The following AURKA variants were observed in gnomAD, a reference collection of about 807,000 sequenced individuals.
AURKA encodes aurora 2.
AURKA carries 12 observed loss-of-function variants against 40.9 expected under a neutral mutation model. That is an observed-to-expected ratio of 0.29 (90% CI 0.19 to 0.48). The LOEUF (loss-of-function observed/expected upper bound fraction) is 0.48. Among genes scored for constraint, AURKA ranks in the 20% least tolerant of loss-of-function variants. AURKA has a pLI of 0.99. For synonymous variants in AURKA, 170 were observed against 164.3 expected (o/e 1.03, Z -0.26); for missense variants, 322 against 462.1 (o/e 0.70, Z 2.78).
Position 56,370,456 on chromosome 20 carries a change from G to A in AURKA, c.1029+29C>T, listed in dbSNP as rs1312750249. 2.5e-6 allele frequency: 4 copies of A among 1,613,998 alleles called. No homozygotes were observed. In the African/African-American group the frequency reaches 4.0e-5, roughly 16 times the overall value. On this transcript the variant is annotated intron_variant, in intron 8 of 8. Coordinates refer to ENST00000395915, the MANE Select transcript of AURKA (RefSeq NM_198437.3). ...TGATAAGGAAAGAATTCCAGCAGAT[G>A]TGCTGGGTCCTTTTCAGTTGCGTCT... is the stretch of plus-strand genomic sequence containing the variant.
At chr20:56,388,503 CCTG>C (rs1425976956) in intron 1 of AURKA, 2 of 424,382 alleles carry the variant, frequency 4.7e-6, no homozygotes, top group Non-Finnish European at 8.6e-6. Flanking sequence ...TACTGGCATA[CCTG>C]CTACCTTAAA....
intron 6 of AURKA, among the ~76,000 whole-genome samples, chr20:56,376,236 T>C (rs941763110): frequency 2.6e-5 from 4 of 152,040 alleles, no homozygotes; most frequent in Non-Finnish European, 5.9e-5. Context: ...AAAATGTGAG[T>C]ACCTGAGGTA....
chr20:56,369,396 G>A lies in AURKA; in HGVS notation c.*762C>T, dbSNP rs1188435755. 1 of 228,360 alleles carries A rather than the reference G, an allele frequency of 4.4e-6. No individual in the cohort carries two copies. The highest frequency in any genetic ancestry group is 8.7e-6 in the Non-Finnish European group (1 of 115,322). 14.1% of individuals were successfully genotyped at this position (228,360 alleles called of 1,614,324 possible). A position where few individuals can be genotyped will look rare whatever the true frequency, so the allele number is the denominator to read the frequency against. Reference sequence around the variant, plus strand: ...TTACACAGCACTCCACACAGACATAGATACTTATTTATTTGCATATTTAAA... The same window carrying A: ...TTACACAGCACTCCACACAGACATAAATACTTATTTATTTGCATATTTAAA... On this transcript the variant is annotated 3_prime_UTR_variant, in exon 9 of 9. Coordinates refer to ENST00000395915, the MANE Select transcript of AURKA (RefSeq NM_198437.3).
At chr20:56,379,790 C>A (rs931070816) in intron 6 of AURKA, among the ~76,000 whole-genome samples, 1 of 151,514 alleles carries the variant, frequency 6.6e-6, no homozygotes, top group Non-Finnish European at 1.5e-5. Flanking sequence ...GGCAAAACCC[C>A]ATCTCTACTA....
intron 6 of AURKA, among the ~76,000 whole-genome samples, chr20:56,379,295 G>A (rs1569063747): frequency 6.6e-6 from 1 of 152,328 alleles, no homozygotes; most frequent in East Asian, 1.9e-4. Flanking sequence ...TAAGTAAAAG[G>A]ATGGTGGGCG....
chr20:56,389,252 A>C (rs540824621), intron 1 of AURKA, among the ~76,000 whole-genome samples: 1 of 152,198 alleles, frequency 6.6e-6, no homozygotes, highest in South Asian at 2.1e-4. Context: ...CCAGGGATCC[A>C]TATCACCCAG....
rs1983932374 is a variant in AURKA, at chr20:56,370,195, T to C, written c.1175A>G (p.Asn392Ser). The change falls in exon 9 of 9, where the codon AAT (asparagine) becomes AGT (serine). Residue 392 changes from asparagine (N) to serine (S), a missense_variant. Physicochemically the swap from Asn to Ser is conservative, Grantham distance 46. Transcript: ENST00000395915. ...GCTAGCTGATTCTTTGTTTTGGCAA[T>C]TTGATGGTTTTGATGAATTTGCTGT... ...WITANSSKPS[N>S]CQNKESASKQ... The C allele has an allele frequency of 6.2e-7, 1 of 1,613,368 alleles. No individual in the cohort carries two copies. The highest frequency in any genetic ancestry group is 1.1e-5 in the South Asian group (1 of 91,038).
Position 56,370,326 on chromosome 20 carries a change from G to A in AURKA, c.1044C>T (p.Phe348=), listed in dbSNP as rs45557632. The A allele has an allele frequency of 5.0e-6, 8 of 1,614,182 alleles. No individual in the cohort carries two copies. Among genetic ancestry groups the A allele is most frequent in the South Asian group, 1.1e-5 (1 of 91,086 alleles). ...TGGCTCCCTCTGTTACAAAGTCAGG[G>A]AATGTGAATTCAACCTGGAGTACAA... is the stretch of plus-strand genomic sequence containing the variant. ...YKRISRVEFT[F]PDFVTEGARD... is the part of the protein sequence containing the mutation. Residue 348 remains phenylalanine (F), a synonymous_variant, in exon 9 of 9, where the codon TTC becomes TTT. Transcript: ENST00000395915.
chr20:56,371,686 T>G (rs538893003), intron 7 of AURKA, among the ~76,000 whole-genome samples: 6 of 149,660 alleles, frequency 4.0e-5, no homozygotes, highest in African/African-American at 9.9e-5. Context: ...TCCAACCACA[T>G]AGACAGTCCA....
chr20:56,386,209 A>T (rs1358426457), intron 3 of AURKA, 48 bp downstream of exon 3: 1 of 1,611,870 alleles, frequency 6.2e-7, no homozygotes, highest in Admixed American at 1.7e-5. Flanking sequence ...CTTTTTTAGC[A>T]ACGACGACAA....
chr20:56,370,200 T>TG lies in AURKA; in HGVS notation c.1169dup (p.Ser391IlefsTer10), dbSNP rs762455284. 6.2e-7 allele frequency: 1 copy of TG among 1,613,530 alleles called. No individual in the cohort carries two copies. Among genetic ancestry groups the TG allele is most frequent in the Non-Finnish European group, 8.5e-7 (1 of 1,179,994 alleles). On this transcript the variant is annotated frameshift_variant, in exon 9 of 9. Transcript: ENST00000395915. LOFTEE classifies it high-confidence loss of function. ...CTGATTCTTTGTTTTGGCAATTTGA[T>TG]GGTTTTGATGAATTTGCTGTGATCC...
chr20:56,370,687 T>C, intron 7 of AURKA, 28 bp from the exon 8 acceptor site: 2 of 1,613,516 alleles, frequency 1.2e-6, no homozygotes, highest in Non-Finnish European at 1.7e-6. Context: ...CTCAGGTTGA[T>C]GTGCTTCTCG....
chr20:56,371,566 C>T (rs1026860190), intron 7 of AURKA, among the ~76,000 whole-genome samples: 1 of 150,412 alleles, frequency 6.6e-6, no homozygotes, highest in Non-Finnish European at 1.5e-5. Context: ...AGTGGCAACA[C>T]AATCAGAAAA....
In AURKA at chr20:56,370,669, G is replaced by A. The variant is rs775499369; in HGVS notation, c.855-10C>T. 4 of 1,614,162 alleles carry A rather than the reference G, an allele frequency of 2.5e-6. No individual in the cohort carries two copies. The highest frequency in any genetic ancestry group is 3.4e-6 in the Non-Finnish European group (4 of 1,180,024). On this transcript the variant is annotated splice_polypyrimidine_tract_variant and intron_variant, in intron 7 of 8. Coordinates refer to ENST00000395915, the MANE Select transcript of AURKA (RefSeq NM_198437.3). ...ACAGAGAGTGGTCCTCCTGAAAACG[G>A]AGGGAGGCTCAGGTTGATGTGCTTC...
intron 7 of AURKA, 81 bp from the exon 8 acceptor site, chr20:56,370,740 C>G: frequency 2.7e-6 from 4 of 1,497,534 alleles, no homozygotes; most frequent in Non-Finnish European, 3.7e-6. Context: ...AAAGAGTCCA[C>G]TAACACTGAG....
Position 56,386,526 on chromosome 20 carries a change from G to C in AURKA, c.50C>G (p.Ala17Gly), listed in dbSNP as rs373331431. Residue 17 changes from alanine to glycine, a missense_variant, in exon 3 of 9, where the codon GCT becomes GGT. Transcript: ENST00000395915. ...AACACGTTTTGGACCTCCAACTGGAGCTGTAGCCTAGAATGGAAGAGAAAA... is the reference window on the plus strand; with the variant it reads ...AACACGTTTTGGACCTCCAACTGGACCTGTAGCCTAGAATGGAAGAGAAAA... ...NCISGPVKAT[A>G]PVGGPKRVLV... 67 of 1,614,114 alleles carry C rather than the reference G, an allele frequency of 4.2e-5. No homozygotes were observed. The highest frequency in any genetic ancestry group is 5.5e-5 in the Non-Finnish European group (65 of 1,180,036).
chr20:56,374,601 T>TC (rs1222307213), intron 6 of AURKA, among the ~76,000 whole-genome samples: 2 of 152,002 alleles, frequency 1.3e-5, no homozygotes, highest in Non-Finnish European at 2.9e-5. Context: ...TAAGTTACTA[T>TC]CTTTTTTTTT....
intron 7 of AURKA, among the ~76,000 whole-genome samples, chr20:56,372,261 TG>T (rs1200240643): frequency 6.6e-6 from 1 of 152,210 alleles, no homozygotes; most frequent in Non-Finnish European, 1.5e-5. Context: ...GCTACCACTC[TG>T]GTCATCTAAC....
chr20:56,373,510 C>T lies in AURKA; in HGVS notation c.752G>A (p.Arg251Lys). 2 of 1,614,230 alleles carry T rather than the reference C, an allele frequency of 1.2e-6. No individual in the cohort carries two copies. Among genetic ancestry groups the T allele is most frequent in the South Asian group, 2.2e-5 (2 of 91,090 alleles). ...ANALSYCHSK[R>K]VIHRDIKPEN... ...TGGCTTAATGTCTCTATGAATAACT[C>T]TCTTCGAATGACAGTAAGACAGGGC... Residue 251 changes from arginine (R) to lysine (K), a missense_variant, in exon 7 of 9, where the codon AGA becomes AAA. Transcript: ENST00000395915. The surrounding 1 kb of genome is among the most constrained non-coding windows in gnomAD (Gnocchi z 5.0).
Sources: allele counts gnomAD v4.1 joint callset (sites outside exome capture counted in the v4.1 genomes callset), GRCh38; gene constraint gnomAD v4.1.1; non-coding constraint Gnocchi (gnomAD v3.1); transcripts MANE v1.5; gene names NCBI Gene and HGNC (gene_info 2026-07-23, HGNC 2026-07-21).